Variants in MKI67 observed in about 807,000 individuals in gnomAD.
MKI67 encodes the protein marker of proliferation Ki-67.
A neutral mutation model predicts 233.5 loss-of-function variants in MKI67; 152 were observed. That is an observed-to-expected ratio of 0.65 (90% CI 0.57 to 0.74). The LOEUF is 0.74. Among genes scored for constraint, MKI67 ranks in the 30% least tolerant of loss-of-function variants. The pLI, the probability that MKI67 is intolerant of heterozygous loss-of-function variation, is 0.00. For synonymous variants in MKI67, 1,465 were observed against 1,418.5 expected, an observed-to-expected ratio of 1.03 and a Z score of -0.74; for missense variants, 3,940 against 3,885.2, an observed-to-expected ratio of 1.01 and a Z score of -0.37.
In MKI67 at chr10:128,106,982, G is replaced by C. The variant is rs756062972; in HGVS notation, c.4858C>G (p.Pro1620Ala). The C allele has an allele frequency of 3.1e-6, 5 of 1,614,030 alleles. No individual in the cohort carries two copies. The highest frequency in any genetic ancestry group is 2.2e-5 in the South Asian group (2 of 91,080). Residue 1620 changes from proline (P) to alanine (A), a missense_variant, in exon 13 of 15, where the codon CCA becomes GCA. Transcript: ENST00000368654. Reference sequence around the variant, plus strand: ...CTTGCTGGGTTTTTGTCTGGGTCTGGTTGTGAAGATTTGCAGGCTACTTTG... The same window carrying C: ...CTTGCTGGGTTTTTGTCTGGGTCTGCTTGTGAAGATTTGCAGGCTACTTTG... ...TAKVACKSSQPDPDKNPASSK... is the reference protein window; with the variant it reads ...TAKVACKSSQADPDKNPASSK...
chr10:128,109,213 C>G lies in MKI67; in HGVS notation c.2627G>C (p.Gly876Ala). 6.2e-7 allele frequency: 1 copy of G among 1,614,152 alleles called. No homozygotes were observed. Among genetic ancestry groups the G allele is most frequent in the Non-Finnish European group, 8.5e-7 (1 of 1,180,032 alleles). Residue 876 changes from glycine (G) to alanine (A), a missense_variant, in exon 13 of 15, where the codon GGA becomes GCA. Gly to Ala is a moderately conservative substitution (Grantham distance 60). Coordinates refer to ENST00000368654, the MANE Select transcript of MKI67 (RefSeq NM_002417.5). ...TATATTCCTGAACTCTGTAGACCTT[C>G]CTGACCTGTTTGCAGTGGATACTGT... ...SKTVSTANRS[G>A]RSTEFRNIQK...
Position 128,107,303 on chromosome 10 carries a change from T to C in MKI67, c.4537A>G (p.Arg1513Gly), listed in dbSNP as rs1324739358. The change falls in exon 13 of 15, where the codon AGA becomes GGA. Residue 1513 changes from arginine (R) to glycine (G), a missense_variant. Coordinates refer to ENST00000368654, the MANE Select transcript of MKI67 (RefSeq NM_002417.5). ...TPTSSKPQSK[R>G]SLRKVDVEEE... ...TCTACGTCCACTTTCCTGAGACTTC[T>C]CTTGGACTGTGGCTTGGAGCTTGTT... The C allele has an allele frequency of 6.2e-7, 1 of 1,614,164 alleles. No homozygotes were observed. The highest frequency in any genetic ancestry group is 2.2e-5 in the East Asian group (1 of 44,870).
At chr10:128,109,617 T>C (rs868273732) in intron 12 of MKI67, among the ~76,000 whole-genome samples, 194 bp from the exon 13 acceptor site, 5 of 152,216 alleles carry the variant, frequency 3.3e-5, no homozygotes, top group African/African-American at 9.6e-5. Context: ...TTTGGTGCTA[T>C]AGTGGGGTCA....
chr10:128,099,078 A>C lies in MKI67; in HGVS notation c.*112T>G, dbSNP rs1852275989. On this transcript the variant is annotated 3_prime_UTR_variant, in exon 15 of 15. Transcript: ENST00000368654. ...AGCAAATCCAAAGTTTTCTTCCCTT[A>C]AGCAGACTGACAGCCTTACTTACAG... 3.8e-6 allele frequency: 3 copies of C among 792,470 alleles called. No homozygotes were observed. The highest frequency in any genetic ancestry group is 5.9e-6 in the Non-Finnish European group (3 of 508,206). The allele number at this position is 792,470 out of a possible 1,614,324, so 49.1% of individuals were successfully genotyped here.
In MKI67 at chr10:128,105,629, G is replaced by A; in HGVS notation, c.6211C>T (p.Gln2071Ter). 1 of 1,611,120 alleles carries A rather than the reference G, an allele frequency of 6.2e-7. No individual in the cohort carries two copies. The highest frequency in any genetic ancestry group is 8.5e-7 in the Non-Finnish European group (1 of 1,179,074). The change falls in exon 13 of 15, where the codon CAA (glutamine) becomes TAA (stop). Residue 2071 changes from glutamine (Q) to a stop codon, truncating the protein, a stop_gained. Transcript: ENST00000368654. LOFTEE classifies it high-confidence loss of function. ...AAGCCGGCCAGGTCTTCTAGTGATT[G>A]GGCCTCTTCCTTAGGTGTTCTTGGC... Reference protein sequence around the residue: ...RWPRTPKEEAQSLEDLAGFKE... With the variant: ...RWPRTPKEEA
rs1393214145 is a variant in MKI67 at position 128,102,632 on chromosome 10, T to A, written c.9208A>T (p.Met3070Leu). The change falls in exon 13 of 15, where the codon ATG (methionine) becomes TTG (leucine). Residue 3070 changes from methionine (M) to leucine (L), a missense_variant. By Grantham distance (15) the Met-to-Leu change is conservative. Transcript: ENST00000368654. ...TTGTGTTCCTCTTTGTTGGTTTTCATGTCGTTGCTGTTCAGCTCTTCCGCA... is the reference window on the plus strand; with the variant it reads ...TTGTGTTCCTCTTTGTTGGTTTTCAAGTCGTTGCTGTTCAGCTCTTCCGCA... ...EPAEELNSNDMKTNKEEHKLQ... is the reference protein window; with the variant it reads ...EPAEELNSNDLKTNKEEHKLQ... The A allele has an allele frequency of 1.2e-6, 2 of 1,614,254 alleles. No homozygotes were observed. Among genetic ancestry groups the A allele is most frequent in the Admixed American group, 3.3e-5 (2 of 60,032 alleles).
In MKI67 at chr10:128,114,979, C is replaced by A; in HGVS notation, c.1429G>T (p.Gly477Trp). Reference sequence around the variant, plus strand: ...TCAACTGAACTAAGACCAGGTAACCCAGAGCACATCTGTCCAGCTGTAGTG... The same window carrying A: ...TCAACTGAACTAAGACCAGGTAACCAAGAGCACATCTGTCCAGCTGTAGTG... Reference protein sequence around the residue: ...LGTTAGQMCSGLPGLSSVDIN... With the variant: ...LGTTAGQMCSWLPGLSSVDIN... Residue 477 changes from glycine (G) to tryptophan (W), a missense_variant, in exon 7 of 15, where the codon GGG becomes TGG. Gly to Trp is a radical substitution (Grantham distance 184, BLOSUM62 -2). Coordinates refer to ENST00000368654, the MANE Select transcript of MKI67 (RefSeq NM_002417.5). 6.3e-7 allele frequency: 1 copy of A among 1,598,336 alleles called. No individual in the cohort carries two copies. The highest frequency in any genetic ancestry group is 8.6e-7 in the Non-Finnish European group (1 of 1,167,484).
chr10:128,121,535 T>TATAAA (rs67174785), intron 4 of MKI67, among the ~76,000 whole-genome samples: 1 of 3,272 alleles, frequency 3.1e-4, no homozygotes, highest in Non-Finnish European at 6.8e-4. Flanking sequence ...TATTATATAT[T>TATAAA]ATATTATAAT....
In MKI67 at chr10:128,112,264, A is replaced by G. The variant is rs748066052; in HGVS notation, c.1838T>C (p.Val613Ala). ...ACTCTTTCTCCCTCCTCTCTTAGGA[A>G]CCTCTGTCTGAGATTTGCTGCTGGA... ...PASSSKSQTEVPKRGGRKSGN... is the reference protein window; with the variant it reads ...PASSSKSQTEAPKRGGRKSGN... Residue 613 changes from valine to alanine, a missense_variant, in exon 9 of 15, where the codon GTT becomes GCT. Physicochemically the swap from Val to Ala is moderately conservative, Grantham distance 64 (BLOSUM62 0). Transcript: ENST00000368654. The G allele has an allele frequency of 6.2e-7, 1 of 1,614,216 alleles. No homozygotes were observed. The highest frequency in any genetic ancestry group is 2.2e-5 in the East Asian group (1 of 44,884).
At position 128,103,987 on chromosome 10, in the gene MKI67, G is replaced by A. The variant is rs1164856518; in HGVS notation, c.7853C>T (p.Ala2618Val). 6.2e-7 allele frequency: 1 copy of A among 1,614,076 alleles called. No individual in the cohort carries two copies. The change falls in exon 13 of 15, where the codon GCA becomes GTA. Residue 2618 changes from alanine to valine, a missense_variant. Physicochemically the swap from Ala to Val is moderately conservative, Grantham distance 64. Transcript: ENST00000368654. Reference sequence around the variant, plus strand: ...TGATGTTTGCGTGAGCCTCTCAACTGCTGAGAGCTCCTCTTTTACTTCTTT... The same window carrying A: ...TGATGTTTGCGTGAGCCTCTCAACTACTGAGAGCTCCTCTTTTACTTCTTT... ...PRKEVKEELS[A>V]VERLTQTSGQ...
In MKI67 at chr10:128,105,204, A is replaced by C; in HGVS notation, c.6636T>G (p.Thr2212=). 2.5e-6 allele frequency: 4 copies of C among 1,613,684 alleles called. No homozygotes were observed. Among genetic ancestry groups the C allele is most frequent in the Non-Finnish European group, 3.4e-6 (4 of 1,179,948 alleles). Residue 2212 remains threonine (T), a synonymous_variant, in exon 13 of 15, where the codon ACT becomes ACG. Transcript: ENST00000368654. ...AGGCTATTTTGGTAGTTTTCTCATGAGTCGTGGGCTTGTCAGTGCATATTG... is the reference window on the plus strand; with the variant it reads ...AGGCTATTTTGGTAGTTTTCTCATGCGTCGTGGGCTTGTCAGTGCATATTG... ...QTPICTDKPT[T]HEKTTKIACR... is the part of the protein sequence containing the mutation.
At chr10:128,116,977 T>C (rs1374799369) in intron 5 of MKI67, among the ~76,000 whole-genome samples, 1 of 152,222 alleles carries the variant, frequency 6.6e-6, no homozygotes, top group African/African-American at 2.4e-5. Context: ...TTTTAAAGAC[T>C]GTTTGAGAAA....
chr10:128,117,211 C>A (rs1565013514), intron 5 of MKI67, among the ~76,000 whole-genome samples: 3 of 152,184 alleles, frequency 2.0e-5, no homozygotes, highest in African/African-American at 4.8e-5. Context: ...ATCTGTAACC[C>A]CCCACGAGCT....
At position 128,112,399 on chromosome 10, in the gene MKI67, T is replaced by C; in HGVS notation, c.1703A>G (p.His568Arg). ...CAAGCTTTGTGCCTTCACTTCCACA[T>C]GGATTTCTGAACCTGACTCTTGTTT... The part of the protein sequence containing the change: ...SGKQESGSEI[H>R]VEVKAQSLVI... Residue 568 changes from histidine (H) to arginine (R), a missense_variant, in exon 9 of 15, where the codon CAT (histidine) becomes CGT (arginine). Physicochemically the swap from His to Arg is conservative, Grantham distance 29. Coordinates refer to ENST00000368654, the MANE Select transcript of MKI67 (RefSeq NM_002417.5). 6.2e-7 allele frequency: 1 copy of C among 1,614,220 alleles called. No individual in the cohort carries two copies. Among genetic ancestry groups the C allele is most frequent in the Non-Finnish European group, 8.5e-7 (1 of 1,180,038 alleles).
At chr10:128,124,714 G>T (rs962833510) in intron 2 of MKI67, among the ~76,000 whole-genome samples, 2 of 152,172 alleles carry the variant, frequency 1.3e-5, no homozygotes, top group Admixed American at 6.5e-5. Flanking sequence ...TGTGGGGTTG[G>T]AAATACAAGT....
chr10:128,106,252 T>A lies in MKI67; in HGVS notation c.5588A>T (p.Gln1863Leu), dbSNP rs35245002. The A allele has an allele frequency of 2.0e-3, 3,280 of 1,614,108 alleles. 61 individuals are homozygous for A. In the African/African-American group the frequency reaches 0.039, roughly 19 times the overall value. ...TGTTGGGGTGTCCGCTGGGTCTGAT[T>A]GCGGAGATTTGCAGAGTATTTTTTT... ...TTKKILCKSP[Q>L]SDPADTPTNT... Residue 1863 changes from glutamine to leucine, a missense_variant, in exon 13 of 15, where the codon CAA (glutamine) becomes CTA (leucine). By Grantham distance (113) the Gln-to-Leu change is moderately radical. Transcript: ENST00000368654.
chr10:128,123,430 T>G (rs1186959357), intron 2 of MKI67, among the ~76,000 whole-genome samples: 1 of 152,206 alleles, frequency 6.6e-6, no homozygotes, highest in Non-Finnish European at 1.5e-5. Flanking sequence ...CGAATTACCT[T>G]TTATATGAAA....
intron 14 of MKI67, 108 bp from the exon 15 acceptor site, chr10:128,099,363 T>G: frequency 1.7e-6 from 1 of 601,868 alleles, no homozygotes. Flanking sequence ...ATGCAGGTCC[T>G]TAGTTGCAGA....
chr10:128,122,896 A>G lies in MKI67; in HGVS notation c.272T>C (p.Ile91Thr). The G allele has an allele frequency of 6.4e-7, 1 of 1,571,252 alleles. No individual in the cohort carries two copies. The highest frequency in any genetic ancestry group is 8.7e-7 in the Non-Finnish European group (1 of 1,148,486). ...RLKHGDVITI[I>T]DRSFRYENES... ...TTTTACCTACCTGAAGGAACGATCA[A>G]TAATAGTTATTACATCTCCATGTTT... Residue 91 changes from isoleucine to threonine, a missense_variant, in exon 4 of 15, where the codon ATT becomes ACT. By Grantham distance (89) the Ile-to-Thr change is moderately conservative. Transcript: ENST00000368654.
Sources: allele counts gnomAD v4.1 joint callset (sites outside exome capture counted in the v4.1 genomes callset), GRCh38; gene constraint gnomAD v4.1.1; transcripts MANE v1.5; gene names NCBI Gene and HGNC (gene_info 2026-07-23, HGNC 2026-07-21).